Variants in MGA observed in about 807,000 individuals in gnomAD.
MGA encodes MAX gene-associated protein.
MGA carries 40 observed loss-of-function variants against 261.1 expected under a neutral mutation model. That is an observed-to-expected ratio of 0.15 (90% confidence interval 0.12 to 0.20). The LOEUF (loss-of-function observed/expected upper bound fraction) is 0.20, where lower values mean the gene tolerates loss of function less well. Among genes scored for constraint, MGA ranks in the 10% least tolerant of loss-of-function variants. The pLI is 1.00. For synonymous variants in MGA, 1,302 were observed against 1,290.6 expected (o/e 1.01, Z -0.19); for missense variants, 3,397 against 3,630.5 (o/e 0.94, Z 1.65).
At chr15:41,747,342 C>A (rs976196698) in intron 15 of MGA, among the ~76,000 whole-genome samples, 5 of 152,114 alleles carry the variant, frequency 3.3e-5, no homozygotes, top group Admixed American at 6.5e-5. Flanking sequence ...TTATCTTCCT[C>A]AGGTGGTATA....
chr15:41,762,435 CTT>C, intron 22 of MGA, 73 bp downstream of exon 22: 2 of 538,650 alleles, frequency 3.7e-6, no homozygotes, highest in Non-Finnish European at 5.8e-6. Context: ...ACCACCTTCT[CTT>C]GTCCACATTT....
At chr15:41,621,514 G>C (rs1335219547) in intron 1 of MGA, 1 of 152,272 alleles carries the variant, frequency 6.6e-6, no homozygotes, top group South Asian at 2.1e-4. Context: ...TGACTAGCCG[G>C]GTGGTCCAGC....
rs1595612692 is a variant in MGA at position 41,664,892 on chromosome 15, G to A, written c.-67-3936G>A. On this transcript the variant is annotated intron_variant, in intron 1 of 23. Transcript: ENST00000219905. ...CAATCAACTTCATAGGTAAAAGCTT[G>A]AGGCAGCTTTTGAAAAGAATCACTG... 7.9e-5 allele frequency among the ~76,000 whole-genome samples: 12 copies of A among 151,744 alleles called. No individual in the cohort carries two copies. The South Asian group carries it at 2.5e-3, about 32-fold the overall frequency.
chr15:41,661,627 G>GAT (rs2057407837), intron 1 of MGA, among the ~76,000 whole-genome samples: 10 of 152,138 alleles, frequency 6.6e-5, no homozygotes, highest in Admixed American at 6.5e-4. Flanking sequence ...CCCAAGGTTC[G>GAT]CCTCGCCGGA....
upstream of MGA, among the ~76,000 whole-genome samples, chr15:41,659,444 C>T (rs955618347): frequency 6.6e-6 from 1 of 152,172 alleles, no homozygotes; most frequent in South Asian, 2.1e-4. Flanking sequence ...GGATCATTGA[C>T]CACAAAATCT....
At chr15:41,739,446 T>A (rs988514003) in intron 13 of MGA, among the ~76,000 whole-genome samples, 1 of 152,210 alleles carries the variant, frequency 6.6e-6, no homozygotes, top group Non-Finnish European at 1.5e-5. Context: ...TCACTTATAT[T>A]TTTCAAATAT....
rs34069193 is a variant in MGA at position 41,762,461 on chromosome 15, GTTTTTTTTTTTTT to G, written c.7744+117_7744+129del. 389 of 138,440 alleles carry G rather than the reference GTTTTTTTTTTTTT, an allele frequency of 2.8e-3. 3 individuals are homozygous for G. Among genetic ancestry groups the G allele is most frequent in the East Asian group, 0.019 (51 of 2,744 alleles). 8.6% of individuals were successfully genotyped at this position (138,440 alleles called of 1,614,324 possible). ...TTGTCCACATTTTTAGTTTTGTGTG[GTTTTTTTTTTTTT>G]TTTTTTTTTTTTTTTTTGGAGACAG... On this transcript the variant is annotated intron_variant, in intron 22 of 23. Coordinates refer to ENST00000219905, the MANE Select transcript of MGA (RefSeq NM_001164273.2).
chr15:41,732,214 C>G (rs1434109771), intron 11 of MGA, among the ~76,000 whole-genome samples: 2 of 150,936 alleles, frequency 1.3e-5, no homozygotes, highest in East Asian at 3.9e-4. Flanking sequence ...AGTGGCGCAA[C>G]CTCAGCTCAC....
chr15:41,676,601 G>GT (rs2058392611), intron 2 of MGA, among the ~76,000 whole-genome samples: 2 of 152,116 alleles, frequency 1.3e-5, no homozygotes, highest in African/African-American at 4.8e-5. Context: ...TTTTTAAGGG[G>GT]TGTATTAGTA....
At chr15:41,716,609 T>C (rs1414354626) in intron 9 of MGA, among the ~76,000 whole-genome samples, 1 of 151,884 alleles carries the variant, frequency 6.6e-6, no homozygotes, top group Non-Finnish European at 1.5e-5. Flanking sequence ...TGAAATCCTT[T>C]AGTATGTTTT....
At chr15:41,674,365 T>G (rs2058256954) in intron 2 of MGA, among the ~76,000 whole-genome samples, 1 of 151,550 alleles carries the variant, frequency 6.6e-6, no homozygotes, top group Non-Finnish European at 1.5e-5. Flanking sequence ...CCGACTAATT[T>G]TTTTGTATTT....
intron 22 of MGA, among the ~76,000 whole-genome samples, chr15:41,763,590 A>G (rs964982667): frequency 2.6e-5 from 4 of 151,722 alleles, no homozygotes; most frequent in Non-Finnish European, 5.9e-5. Flanking sequence ...CTAAAAATAC[A>G]AAATTAGCCA....
chr15:41,747,119 GCTTTTT>G (rs1021172136), intron 15 of MGA, among the ~76,000 whole-genome samples: 5 of 151,968 alleles, frequency 3.3e-5, no homozygotes, highest in African/African-American at 9.7e-5. Context: ...TTAAATTTCT[GCTTTTT>G]CTTTTTGTTT....
At chr15:41,765,286 T>C (rs1457221766) in intron 23 of MGA, among the ~76,000 whole-genome samples, 1 of 152,236 alleles carries the variant, frequency 6.6e-6, no homozygotes, top group Non-Finnish European at 1.5e-5. Context: ...TGAACACTAG[T>C]AATTTCTAAG....
chr15:41,654,878 T>C (rs2057132442), intron 1 of MGA, among the ~76,000 whole-genome samples: 2 of 152,248 alleles, frequency 1.3e-5, no homozygotes, highest in Admixed American at 1.3e-4. Flanking sequence ...TTCTTTAATA[T>C]ATTTGCTATT....
Position 41,756,881 on chromosome 15 carries a change from A to G in MGA, c.7140-907A>G, listed in dbSNP as rs1595997047. On this transcript the variant is annotated intron_variant, in intron 18 of 23. Coordinates refer to ENST00000219905, the MANE Select transcript of MGA (RefSeq NM_001164273.2). Reference sequence around the variant, plus strand: ...AGTTCTGGGATTACAGGCATTAGCTACTGTGCCTGGCCTTCAGGTGGAATA... The same window carrying G: ...AGTTCTGGGATTACAGGCATTAGCTGCTGTGCCTGGCCTTCAGGTGGAATA... Among the ~76,000 whole-genome samples the G allele has an allele frequency of 3.3e-5, 5 of 152,232 alleles. No individual in the cohort carries two copies. In the East Asian group the frequency reaches 9.6e-4, roughly 29 times the overall value.
intron 15 of MGA, among the ~76,000 whole-genome samples, chr15:41,744,588 G>A (rs1204689520): frequency 6.6e-6 from 1 of 152,226 alleles, no homozygotes; most frequent in Non-Finnish European, 1.5e-5. Context: ...TTTTGGGAGT[G>A]AAGTCATTAG....
intron 13 of MGA, chr15:41,739,922 A>T (rs779960982): frequency 8.7e-6 from 14 of 1,612,128 alleles, no homozygotes; most frequent in Non-Finnish European, 1.1e-5. Context: ...GGTAAGAGTT[A>T]CCCGCAGGCT....
chr15:41,668,596 G>A (rs1020000550), intron 1 of MGA, among the ~76,000 whole-genome samples: 1 of 151,926 alleles, frequency 6.6e-6, no homozygotes, highest in Non-Finnish European at 1.5e-5. Context: ...TAGAGGATTA[G>A]GATATAAGCA....
Sources: gnomAD v4.1 joint callset for allele counts (sites outside exome capture counted in the v4.1 genomes callset) on GRCh38, gnomAD v4.1.1 for gene constraint, MANE v1.5 for transcripts, NCBI Gene and HGNC (gene_info 2026-07-23, HGNC 2026-07-21) for gene names.